The following ZNF730 variants were observed in gnomAD, a reference collection of about 807,000 sequenced individuals.
ZNF730 encodes zinc finger protein 730.
Under a neutral mutation model 12.6 loss-of-function variants are expected in ZNF730, and 12 were observed. The ratio of observed to expected loss-of-function variants is 0.95; its 90% CI spans 0.61 to 1.54. The LOEUF is 1.54. ZNF730 is among the 40% of genes most tolerant of loss of function. ZNF730 has a pLI of 0.00. For synonymous variants in ZNF730, 194 were observed against 195.8 expected (o/e 0.99, Z 0.08); for missense variants, 643 against 583.5 (o/e 1.10, Z -1.05).
chr19:23,141,404 A>T (rs977997775), intron 3 of ZNF730, among the ~76,000 whole-genome samples: 1 of 152,130 alleles, frequency 6.6e-6, no homozygotes, highest in Non-Finnish European at 1.5e-5. Context: ...CAAAAAAAAA[A>T]AAACAATTTT....
intron 1 of ZNF730, among the ~76,000 whole-genome samples, chr19:23,122,950 A>G (rs566376353): frequency 6.4e-4 from 97 of 152,338 alleles, no homozygotes; most frequent in African/African-American, 2.2e-3. Flanking sequence ...AAAATTCACT[A>G]CAAAATTGTT....
At chr19:23,129,084 G>A (rs967354251) in intron 1 of ZNF730, among the ~76,000 whole-genome samples, 1 of 152,162 alleles carries the variant, frequency 6.6e-6, no homozygotes, top group Non-Finnish European at 1.5e-5. Flanking sequence ...AGATTTCAGA[G>A]CTATATGGGA....
At chr19:23,129,579 C>CCCG (rs1970718922) in intron 1 of ZNF730, among the ~76,000 whole-genome samples, 1 of 150,862 alleles carries the variant, frequency 6.6e-6, no homozygotes, top group African/African-American at 2.5e-5. Flanking sequence ...GTATCCCCCC[C>CCCG]CCCATTATAT....
At chr19:23,109,749 A>G (rs1050013564) in intron 1 of ZNF730, among the ~76,000 whole-genome samples, 2 of 151,958 alleles carry the variant, frequency 1.3e-5, no homozygotes, top group East Asian at 1.9e-4. Flanking sequence ...AGGTTTCACC[A>G]TGTTGGCCAG....
At chr19:23,111,901 C>T (rs1301136541) in intron 1 of ZNF730, among the ~76,000 whole-genome samples, 2 of 152,218 alleles carry the variant, frequency 1.3e-5, no homozygotes, top group South Asian at 2.1e-4. Context: ...GGCCTATGCA[C>T]CTAAGAGAAC....
chr19:23,084,917 T>G (rs1970032226), intron 1 of ZNF730, among the ~76,000 whole-genome samples: 1 of 152,238 alleles, frequency 6.6e-6, no homozygotes, highest in Non-Finnish European at 1.5e-5. Flanking sequence ...AGTGCTGCAG[T>G]GAACATACAC....
intron 3 of ZNF730, among the ~76,000 whole-genome samples, chr19:23,142,413 G>A (rs1005263584): frequency 6.8e-6 from 1 of 148,010 alleles, no homozygotes; most frequent in South Asian, 2.2e-4. Context: ...GCCAGGCGCG[G>A]TGGCTCACTC....
intron 1 of ZNF730, among the ~76,000 whole-genome samples, chr19:23,110,969 C>G (rs1970454641): frequency 6.6e-6 from 1 of 152,144 alleles, no homozygotes; most frequent in Non-Finnish European, 1.5e-5. Flanking sequence ...TGCTGTGCAC[C>G]TAAATTGTAG....
At chr19:23,109,740 G>T (rs779047784) in intron 1 of ZNF730, among the ~76,000 whole-genome samples, 8 of 151,868 alleles carry the variant, frequency 5.3e-5, no homozygotes, top group Non-Finnish European at 1.2e-4. Context: ...GTAAAGACAA[G>T]GTTTCACCAT....
chr19:23,134,075 T>C lies in ZNF730; in HGVS notation c.4-5T>C. Reference sequence around the variant, plus strand: ...TAAATATGTGTGTTTGTTTGTGTTTTTCAGGGAGCGTTGACATTTAGAGAT... The same window carrying C: ...TAAATATGTGTGTTTGTTTGTGTTTCTCAGGGAGCGTTGACATTTAGAGAT... On this transcript the variant is annotated splice_region_variant and splice_polypyrimidine_tract_variant and intron_variant, in intron 1 of 3. Transcript: ENST00000597761. 6.2e-7 allele frequency: 1 copy of C among 1,612,890 alleles called. No individual in the cohort carries two copies.
At chr19:23,136,456 G>A (rs1970833974) in intron 3 of ZNF730, among the ~76,000 whole-genome samples, 2 of 152,090 alleles carry the variant, frequency 1.3e-5, no homozygotes, top group African/African-American at 4.8e-5. Flanking sequence ...CAGGGCTGGA[G>A]TGCAGTGGTG....
At chr19:23,121,345 G>T (rs1970595891) in intron 1 of ZNF730, among the ~76,000 whole-genome samples, 1 of 152,076 alleles carries the variant, frequency 6.6e-6, no homozygotes, top group South Asian at 2.1e-4. Flanking sequence ...CTTTGTGTGT[G>T]TGTGTGTGTG....
chr19:23,101,064 A>G (rs978412781), intron 1 of ZNF730, among the ~76,000 whole-genome samples: 1 of 152,198 alleles, frequency 6.6e-6, no homozygotes, highest in African/African-American at 2.4e-5. Context: ...CTGGGCTTGG[A>G]ACCACAGGAA....
At chr19:23,092,882 C>A (rs1008904373) in intron 1 of ZNF730, among the ~76,000 whole-genome samples, 1 of 152,128 alleles carries the variant, frequency 6.6e-6, no homozygotes, top group African/African-American at 2.4e-5. Context: ...AGATACTTAC[C>A]TGAAGCTTTC....
intron 1 of ZNF730, among the ~76,000 whole-genome samples, chr19:23,098,581 G>C (rs892526118): frequency 2.6e-5 from 4 of 152,116 alleles, no homozygotes; most frequent in East Asian, 1.9e-4. Context: ...ATTTCTACCT[G>C]TCCCCTGCTT....
Position 23,101,138 on chromosome 19 carries a change from G to T in ZNF730, c.-94+25751G>T, listed in dbSNP as rs1970331664. On this transcript the variant is annotated intron_variant, in intron 1 of 2. Transcript: ENST00000593635. ...TTGCATATTGTATAAATCATCAAGTGAAACTATCATAAGAGAACATAGCAC... is the reference window on the plus strand; with the variant it reads ...TTGCATATTGTATAAATCATCAAGTTAAACTATCATAAGAGAACATAGCAC... Among the ~76,000 whole-genome samples the T allele has an allele frequency of 2.0e-5, 3 of 152,180 alleles. No homozygotes were observed. In the South Asian group the frequency reaches 6.2e-4, roughly 32 times the overall value.
chr19:23,130,866 G>T (rs1005035648), intron 1 of ZNF730, among the ~76,000 whole-genome samples: 1 of 152,144 alleles, frequency 6.6e-6, no homozygotes, highest in Non-Finnish European at 1.5e-5. Flanking sequence ...GTTCTGTTCA[G>T]ATTTACCCCT....
intron 1 of ZNF730, among the ~76,000 whole-genome samples, chr19:23,103,789 G>T (rs75283825): frequency 6.6e-6 from 1 of 152,070 alleles, no homozygotes; most frequent in Admixed American, 6.6e-5. Flanking sequence ...TGGTAATTAA[G>T]GTTGTTATGT....
intron 1 of ZNF730, among the ~76,000 whole-genome samples, chr19:23,086,123 G>A (rs572341573): frequency 3.9e-5 from 6 of 152,068 alleles, no homozygotes; most frequent in Non-Finnish European, 7.4e-5. Flanking sequence ...GATTACAGGC[G>A]TGAGCCGCCT....
Sources: gnomAD v4.1 joint callset for allele counts (sites outside exome capture counted in the v4.1 genomes callset) on GRCh38, gnomAD v4.1.1 for gene constraint, MANE v1.5 for transcripts, NCBI Gene and HGNC (gene_info 2026-07-23, HGNC 2026-07-21) for gene names.